Variants in TACC2 observed in about 807,000 individuals in gnomAD.
TACC2 encodes the protein transforming acidic coiled-coil containing protein 2.
Under a neutral mutation model 227.3 loss-of-function variants are expected in TACC2, and 137 were observed. The observed-to-expected ratio is 0.60, with a 90% CI of 0.52 to 0.69. TACC2 has a LOEUF of 0.69. Ranked by LOEUF, TACC2 falls within the 30% of genes least tolerant of loss-of-function variation. TACC2 has a pLI of 0.00. For synonymous variants in TACC2, 1,523 were observed against 1,487.5 expected (o/e 1.02, Z -0.55); for missense variants, 3,470 against 3,694.4 (o/e 0.94, Z 1.57).
At chr10:122,217,158 G>A (rs924236168) in intron 11 of TACC2, among the ~76,000 whole-genome samples, 4 of 152,130 alleles carry the variant, frequency 2.6e-5, no homozygotes, top group Non-Finnish European at 5.9e-5. Context: ...GATAAACACA[G>A]CTCCAAGGGA....
At chr10:122,067,585 C>T (rs985599290) in intron 3 of TACC2, among the ~76,000 whole-genome samples, 2 of 150,270 alleles carry the variant, frequency 1.3e-5, no homozygotes, top group African/African-American at 4.9e-5. Flanking sequence ...TGGCTCACTG[C>T]AACCTCCGCC....
rs2093081288 is a variant in TACC2 at position 122,165,159 on chromosome 10, G to C, written c.5834+21453G>C. On this transcript the variant is annotated intron_variant, in intron 7 of 22. Transcript: ENST00000369005. The stretch of plus-strand genomic sequence containing the variant: ...CTTACAATGGAGGCACATCGCGTTT[G>C]AGGATTTTCTTTTTAAATGTTATGA... Among the ~76,000 whole-genome samples the C allele has an allele frequency of 2.0e-5, 3 of 152,204 alleles. No individual in the cohort carries two copies. In the South Asian group the frequency reaches 6.2e-4, roughly 31 times the overall value.
intron 5 of TACC2, among the ~76,000 whole-genome samples, chr10:122,099,197 T>C (rs1439817962): frequency 6.6e-6 from 1 of 152,160 alleles, no homozygotes; most frequent in Admixed American, 6.5e-5. Context: ...CATAACATAA[T>C]AGCTGGAGGA....
intron 2 of TACC2, among the ~76,000 whole-genome samples, chr10:122,036,954 TTTTG>T (rs903674437): frequency 2.5e-4 from 38 of 152,176 alleles, no homozygotes; most frequent in African/African-American, 7.2e-4. Flanking sequence ...TTACTTTGTT[TTTTG>T]TTTGTTTGTT....
intron 1 of TACC2, among the ~76,000 whole-genome samples, chr10:122,010,192 C>A (rs534437693): frequency 3.8e-4 from 58 of 152,256 alleles, no homozygotes; most frequent in African/African-American, 1.3e-3. Flanking sequence ...GCTGGAACAG[C>A]CTCCCCACCC....
rs777833001 is a variant in TACC2, at chr10:122,087,068, C to T, written c.4568C>T (p.Pro1523Leu). 4 of 1,612,952 alleles carry T rather than the reference C, an allele frequency of 2.5e-6. No homozygotes were observed. In the African/African-American group the frequency reaches 4.0e-5, roughly 16 times the overall value. Residue 1523 changes from proline to leucine, a missense_variant, in exon 4 of 23, where the codon CCC (proline) becomes CTC (leucine). Transcript: ENST00000369005. ...GGGAAGGAGATGGCAGGTGTCCCAC[C>T]CACACTGAGGGAAGACGAGAGGCCA... ...GVGKEMAGVP[P>L]TLREDERPEG...
intron 5 of TACC2, among the ~76,000 whole-genome samples, chr10:122,122,939 T>C (rs1025434417): frequency 1.3e-5 from 2 of 152,210 alleles, no homozygotes; most frequent in African/African-American, 4.8e-5. Flanking sequence ...GCTTGCAACA[T>C]AGATGAAGTC....
intron 1 of TACC2, among the ~76,000 whole-genome samples, chr10:122,009,868 G>A (rs1348855339): frequency 6.6e-6 from 1 of 152,200 alleles, no homozygotes; most frequent in Non-Finnish European, 1.5e-5. Context: ...GGAGGTTGCA[G>A]TGAGCCAAGA....
At chr10:122,197,059 G>A (rs1195371266) in intron 8 of TACC2, among the ~76,000 whole-genome samples, 3 of 151,884 alleles carry the variant, frequency 2.0e-5, no homozygotes, top group East Asian at 1.9e-4. Flanking sequence ...TCGGGAGTTC[G>A]AGACCAGCCT....
chr10:121,992,796 A>G (rs975780321), intron 1 of TACC2, among the ~76,000 whole-genome samples: 1 of 152,106 alleles, frequency 6.6e-6, no homozygotes, highest in Non-Finnish European at 1.5e-5. Context: ...CTCTACTAAA[A>G]TACAAAAAAT....
intron 5 of TACC2, among the ~76,000 whole-genome samples, chr10:122,121,502 T>C (rs1433383856): frequency 2.0e-5 from 3 of 152,180 alleles, no homozygotes; most frequent in African/African-American, 7.2e-5. Flanking sequence ...TGCCCTATCC[T>C]ACCTCTCCAG....
intron 5 of TACC2, among the ~76,000 whole-genome samples, chr10:122,124,792 G>C (rs1187209719): frequency 1.3e-5 from 2 of 152,172 alleles, no homozygotes; most frequent in Non-Finnish European, 2.9e-5. Flanking sequence ...CGATTCCGCA[G>C]TCATTGACAT....
At chr10:122,033,008 A>C (rs1172285609) in intron 2 of TACC2, 1 of 845,104 alleles carries the variant, frequency 1.2e-6, no homozygotes, top group Non-Finnish European at 1.6e-6. Context: ...ACAAAAACAA[A>C]AAAACCCCAC....
intron 9 of TACC2, among the ~76,000 whole-genome samples, chr10:122,212,646 G>T (rs1198111874): frequency 6.6e-6 from 1 of 152,200 alleles, no homozygotes; most frequent in Non-Finnish European, 1.5e-5. Flanking sequence ...GGTCTGCCTG[G>T]CACGAAAGAG....
intron 7 of TACC2, among the ~76,000 whole-genome samples, chr10:122,191,347 C>T (rs1169457066): frequency 6.6e-6 from 1 of 152,126 alleles, no homozygotes; most frequent in Admixed American, 6.5e-5. Context: ...CGACACATAA[C>T]AGTATATTCA....
rs2094339361 is a variant in TACC2 at position 122,189,622 on chromosome 10, G to T, written c.5835-5418G>T. On this transcript the variant is annotated intron_variant, in intron 7 of 22. Coordinates refer to ENST00000369005, the MANE Select transcript of TACC2 (RefSeq NM_206862.4). ...CCAGTTCCCAGATCACTTTCATGTT[G>T]GGAGCTGCAAAGTGGAATTCTAAGG... Among the ~76,000 whole-genome samples, 3 of 152,228 alleles carry T rather than the reference G, an allele frequency of 2.0e-5. No homozygotes were observed. The South Asian group carries it at 6.2e-4, about 32-fold the overall frequency.
At chr10:122,230,594 A>G (rs1187544844) in intron 16 of TACC2, among the ~76,000 whole-genome samples, 154 bp downstream of exon 16, 2 of 152,262 alleles carry the variant, frequency 1.3e-5, no homozygotes. Flanking sequence ...TCTTGCATAA[A>G]TACACACTGA....
At chr10:122,215,484 G>GCC (rs367907494) in intron 10 of TACC2, 33 bp downstream of exon 10, 8 of 1,578,082 alleles carry the variant, frequency 5.1e-6, no homozygotes, top group Non-Finnish European at 6.1e-6. Flanking sequence ...ATGGTTTTAT[G>GCC]CCCCCCCCGG....
At chr10:122,020,529 C>G (rs558451231) in intron 1 of TACC2, among the ~76,000 whole-genome samples, 59 of 152,230 alleles carry the variant, frequency 3.9e-4, no homozygotes, top group African/African-American at 1.4e-3. Context: ...AGGGTGGCTA[C>G]GCAATCAGTG....
Sources: allele counts gnomAD v4.1 joint callset (sites outside exome capture counted in the v4.1 genomes callset), GRCh38; gene constraint gnomAD v4.1.1; transcripts MANE v1.5; gene names NCBI Gene and HGNC (gene_info 2026-07-23, HGNC 2026-07-21).